Variants in ZBTB40 observed in about 807,000 individuals in gnomAD.
ZBTB40 encodes zinc finger and BTB domain containing 40.
ZBTB40 carries 60 observed loss-of-function variants against 117.5 expected under a neutral mutation model. That is an observed-to-expected ratio of 0.51 (90% confidence interval 0.41 to 0.63). The LOEUF is 0.63. Among genes scored for constraint, ZBTB40 ranks in the 30% least tolerant of loss-of-function variants. The pLI is 0.00. For synonymous variants in ZBTB40, 525 were observed against 577.1 expected (o/e 0.91, Z 1.29); for missense variants, 1,287 against 1,498.5 (o/e 0.86, Z 2.33).
chr1:22,482,743 T>C (rs1638358264), intron 1 of ZBTB40, among the ~76,000 whole-genome samples: 1 of 152,218 alleles, frequency 6.6e-6, no homozygotes, highest in Non-Finnish European at 1.5e-5. Flanking sequence ...TTATAAAGTA[T>C]GTAGCATTTT....
At position 22,439,698 on chromosome 1, in the gene ZBTB40, C is replaced by T. The variant is rs181697548; in HGVS notation, c.-70+10684C>T. On this transcript the variant is annotated intron_variant, in intron 1 of 8. Transcript: ENST00000650433. ...TATTCTACTCCATTAGTGTTTGTGT[C>T]TTTCTTTATGCCAGTACCACACTGT... 2.0e-3 allele frequency among the ~76,000 whole-genome samples: 299 copies of T among 152,228 alleles called. 1 individual carries two copies. The highest frequency in any genetic ancestry group is 6.8e-3 in the Middle Eastern group (2 of 294).
At chr1:22,482,393 C>T (rs1442506592) in intron 1 of ZBTB40, among the ~76,000 whole-genome samples, 1 of 152,114 alleles carries the variant, frequency 6.6e-6, no homozygotes, top group Admixed American at 6.5e-5. Context: ...GATCCCTCCC[C>T]ACTCCCATTC....
chr1:22,486,981 C>T (rs1163858942), intron 1 of ZBTB40, among the ~76,000 whole-genome samples: 3 of 152,110 alleles, frequency 2.0e-5, no homozygotes, highest in Non-Finnish European at 2.9e-5. Context: ...GTGATCCGCC[C>T]GCCTCAGCCT....
chr1:22,490,447 C>T lies in ZBTB40; in HGVS notation c.499C>T (p.Pro167Ser). 6.2e-7 allele frequency: 1 copy of T among 1,603,510 alleles called. No homozygotes were observed. Among genetic ancestry groups the T allele is most frequent in the African/African-American group, 1.3e-5 (1 of 74,564 alleles). ...TTCTTCCCCAGAGCTTGCTGCCACT[C>T]CAGGGGGCCCTGTGAAAGCTGAGAC... ...PHSSPELAATPGGPVKAETEE... is the reference protein window; with the variant it reads ...PHSSPELAATSGGPVKAETEE... The change falls in exon 2 of 18, where the codon CCA (proline) becomes TCA (serine). Residue 167 changes from proline (P) to serine (S), a missense_variant. Physicochemically the swap from Pro to Ser is moderately conservative, Grantham distance 74. Around this residue, in one of 2 missense-constraint regions of ZBTB40, gnomAD observed 870 missense variants for 934.4 expected, o/e 0.93. Transcript: ENST00000375647.
At chr1:22,458,713 T>A (rs55703910) in intron 1 of ZBTB40, among the ~76,000 whole-genome samples, 12,381 of 152,248 alleles carry the variant, frequency 0.081, 664 homozygotes, top group South Asian at 0.14. Flanking sequence ...AATACTTTTT[T>A]AAAAAATTAA....
At chr1:22,478,294 C>T (rs6679274) in intron 1 of ZBTB40, among the ~76,000 whole-genome samples, 55,688 of 151,908 alleles carry the variant, frequency 0.37, 12,128 homozygotes, top group African/African-American at 0.57. Context: ...GTCGCTTAGG[C>T]TGGAGTGCAG....
chr1:22,481,062 A>G (rs1436207564), intron 1 of ZBTB40, among the ~76,000 whole-genome samples: 1 of 152,048 alleles, frequency 6.6e-6, no homozygotes, highest in Non-Finnish European at 1.5e-5. Context: ...GTAGGCCACC[A>G]TGGTCTCAAT....
chr1:22,473,667 GT>G lies in ZBTB40; in HGVS notation c.-69-16210del, dbSNP rs1641469473. 9.2e-5 allele frequency among the ~76,000 whole-genome samples: 14 copies of G among 152,326 alleles called. No homozygotes were observed. In the South Asian group the frequency reaches 2.9e-3, roughly 32 times the overall value. On this transcript the variant is annotated intron_variant, in intron 1 of 17. Coordinates refer to ENST00000375647, the MANE Select transcript of ZBTB40 (RefSeq NM_014870.4). ...CCTGAGCGGATGGGGCAGTGGATGT[GT>G]TTGGCTCACTGACCAGTTCCCTCAG...
chr1:22,457,308 C>T (rs2124383857), intron 1 of ZBTB40, among the ~76,000 whole-genome samples: 1 of 152,176 alleles, frequency 6.6e-6, no homozygotes, highest in African/African-American at 2.4e-5. Flanking sequence ...ACTTGGACTT[C>T]TGAAAAAGGC....
chr1:22,491,133 G>C (rs1337282283), intron 2 of ZBTB40, among the ~76,000 whole-genome samples: 1 of 152,178 alleles, frequency 6.6e-6, no homozygotes, highest in East Asian at 1.9e-4. Flanking sequence ...CTGACCTCAT[G>C]ATCCACCCGC....
chr1:22,487,694 T>A (rs1638509216), intron 1 of ZBTB40, among the ~76,000 whole-genome samples: 1 of 152,064 alleles, frequency 6.6e-6, no homozygotes. Flanking sequence ...ATAGAGCCCG[T>A]CTCCAGCATT....
intron 6 of ZBTB40, among the ~76,000 whole-genome samples, chr1:22,507,597 C>A (rs1639104551): frequency 6.6e-6 from 1 of 152,104 alleles, no homozygotes; most frequent in Non-Finnish European, 1.5e-5. Flanking sequence ...ATAGAAAAAC[C>A]ACGGGTCAGC....
At chr1:22,517,159 C>A in intron 12 of ZBTB40, 141 bp from the exon 13 acceptor site, 1 of 1,174,178 alleles carries the variant, frequency 8.5e-7, no homozygotes, top group Non-Finnish European at 1.2e-6. Flanking sequence ...AGATCTCACC[C>A]AGCGTATTGC....
chr1:22,523,789 C>T (rs1283860909), intron 16 of ZBTB40, among the ~76,000 whole-genome samples: 3 of 152,258 alleles, frequency 2.0e-5, no homozygotes, highest in South Asian at 4.2e-4. Context: ...TGTTGGTGTG[C>T]GCATTGACGA....
chr1:22,430,281 C>A (rs979383108), intron 1 of ZBTB40, among the ~76,000 whole-genome samples: 1 of 152,028 alleles, frequency 6.6e-6, no homozygotes, highest in Non-Finnish European at 1.5e-5. Flanking sequence ...TCATACTGTC[C>A]TTATCTGGTT....
upstream of ZBTB40, among the ~76,000 whole-genome samples, chr1:22,451,387 C>T (rs766811500): frequency 6.6e-5 from 10 of 152,140 alleles, no homozygotes; most frequent in Non-Finnish European, 1.3e-4. Flanking sequence ...TAGGGCCGGG[C>T]ATGGTGGGAG....
chr1:22,507,892 T>G, intron 6 of ZBTB40, 109 bp from the exon 7 acceptor site: 11 of 1,518,692 alleles, frequency 7.2e-6, no homozygotes, highest in South Asian at 1.1e-5. Context: ...CAGAGGACAC[T>G]GAGCCCTTGT....
chr1:22,480,480 T>C (rs924430491), intron 1 of ZBTB40, among the ~76,000 whole-genome samples: 1 of 152,216 alleles, frequency 6.6e-6, no homozygotes, highest in African/African-American at 2.4e-5. Context: ...TTTGTAATTA[T>C]GAGCTTCTTT....
At chr1:22,445,773 C>T (rs554224298) in intron 1 of ZBTB40, among the ~76,000 whole-genome samples, 1 of 150,008 alleles carries the variant, frequency 6.7e-6, no homozygotes, top group South Asian at 2.1e-4. Flanking sequence ...CAGAATTGCT[C>T]GAACCTGGGA....
Sources: allele counts gnomAD v4.1 joint callset (sites outside exome capture counted in the v4.1 genomes callset), GRCh38; gene constraint gnomAD v4.1.1; regional missense constraint gnomAD v4.1.1; transcripts MANE v1.5; gene names NCBI Gene and HGNC (gene_info 2026-07-23, HGNC 2026-07-21).